GPR39: variants seen among roughly 807,000 people sequenced by gnomAD.
The protein encoded by GPR39 is G protein-coupled receptor 39, also known as zinc sensing receptor.
GPR39 carries 23 observed loss-of-function variants against 18.4 expected under a neutral mutation model. The observed-to-expected ratio is 1.25, with a 90% confidence interval of 0.90 to 1.77. GPR39 has a LOEUF of 1.77. Among genes scored for constraint, GPR39 ranks in the 40% most tolerant of loss-of-function variants. The pLI, the probability that GPR39 is intolerant of heterozygous loss-of-function variation, is 0.00. For synonymous variants in GPR39, 280 were observed against 257.9 expected (o/e 1.09, Z -0.82); for missense variants, 647 against 602.4 (o/e 1.07, Z -0.78).
chr2:132,511,666 T>C (rs1443857693), intron 1 of GPR39, among the ~76,000 whole-genome samples: 3 of 152,148 alleles, frequency 2.0e-5, no homozygotes, highest in Non-Finnish European at 4.4e-5. Context: ...AGTAGCCAGG[T>C]GAGGGTGCAG....
chr2:132,645,087 T>C lies in GPR39; in HGVS notation c.857-14T>C. On this transcript the variant is annotated splice_polypyrimidine_tract_variant and intron_variant, in intron 1 of 1. Transcript: ENST00000329321. ...TCTTTTCTCTGTCTCTCCCTCCTGCTCGTGTCTGCCCAGGGCTGATTGTTG... is the reference window on the plus strand; with the variant it reads ...TCTTTTCTCTGTCTCTCCCTCCTGCCCGTGTCTGCCCAGGGCTGATTGTTG... 6.2e-7 allele frequency: 1 copy of C among 1,600,476 alleles called. No individual in the cohort carries two copies. The highest frequency in any genetic ancestry group is 8.5e-7 in the Non-Finnish European group (1 of 1,171,928).
chr2:132,603,232 T>G (rs1337517892), intron 1 of GPR39, among the ~76,000 whole-genome samples: 2 of 152,198 alleles, frequency 1.3e-5, no homozygotes, highest in Non-Finnish European at 2.9e-5. Context: ...CTCATTCACT[T>G]TAACATGAAT....
intron 1 of GPR39, among the ~76,000 whole-genome samples, chr2:132,615,588 G>T (rs1453133270): frequency 3.3e-5 from 5 of 152,140 alleles, no homozygotes; most frequent in Non-Finnish European, 7.3e-5. Flanking sequence ...TGAGATCAGG[G>T]TCTCTTAAAT....
intron 1 of GPR39, among the ~76,000 whole-genome samples, chr2:132,601,190 G>A (rs1266537440): frequency 6.6e-6 from 1 of 152,090 alleles, no homozygotes; most frequent in Non-Finnish European, 1.5e-5. Flanking sequence ...TATTCTTGAT[G>A]AACATAGAAG....
At position 132,535,232 on chromosome 2, in the gene GPR39, A is replaced by G. The variant is rs142145926; in HGVS notation, c.857-109869A>G. The stretch of plus-strand genomic sequence containing the variant: ...TAAATAGCTCTTATTATTTTGAGAT[A>G]TGTTCCATCAATACCTAGTTTGTTG... On this transcript the variant is annotated intron_variant, in intron 1 of 1. Coordinates refer to ENST00000329321, the MANE Select transcript of GPR39 (RefSeq NM_001508.3). Among the ~76,000 whole-genome samples, 1,088 of 152,268 alleles carry G rather than the reference A, an allele frequency of 7.1e-3. 15 individuals carry two copies. Among genetic ancestry groups the G allele is most frequent in the African/African-American group, 0.026 (1,060 of 41,554 alleles).
intron 1 of GPR39, among the ~76,000 whole-genome samples, chr2:132,588,208 G>A (rs1275298236): frequency 6.6e-6 from 1 of 152,194 alleles, no homozygotes; most frequent in East Asian, 1.9e-4. Context: ...AAGACCTGTA[G>A]CACTGGTCCA....
At chr2:132,437,144 T>C (rs1384120652) in intron 1 of GPR39, among the ~76,000 whole-genome samples, 2 of 152,158 alleles carry the variant, frequency 1.3e-5, no homozygotes, top group Non-Finnish European at 2.9e-5. Flanking sequence ...TAAACTTTGA[T>C]ATAGCAAGAC....
intron 1 of GPR39, among the ~76,000 whole-genome samples, chr2:132,561,640 GATGGAGGCTAA>G (rs570960213): frequency 6.6e-6 from 1 of 151,672 alleles, no homozygotes; most frequent in Non-Finnish European, 1.5e-5. Flanking sequence ...CTTACATGAT[GATGGAGGCTAA>G]ATGCCAAAAT....
intron 1 of GPR39, among the ~76,000 whole-genome samples, chr2:132,427,290 A>C (rs1239306792): frequency 8.1e-5 from 12 of 148,026 alleles, no homozygotes; most frequent in African/African-American, 3.0e-4. Flanking sequence ...TCAGCCCCCG[A>C]GTGGCTGAGA....
intron 1 of GPR39, among the ~76,000 whole-genome samples, chr2:132,585,882 G>C (rs1372608850): frequency 6.6e-6 from 1 of 151,358 alleles, no homozygotes; most frequent in Non-Finnish European, 1.5e-5. Context: ...TTGTTATCGT[G>C]GGGTACCCGA....
intron 1 of GPR39, among the ~76,000 whole-genome samples, chr2:132,630,291 T>G: frequency 6.6e-6 from 1 of 152,182 alleles, no homozygotes; most frequent in East Asian, 1.9e-4. Context: ...TCTCAGACAC[T>G]TCTTCCAGGA....
At chr2:132,608,268 T>C (rs779064646) in intron 1 of GPR39, among the ~76,000 whole-genome samples, 11 of 152,220 alleles carry the variant, frequency 7.2e-5, no homozygotes, top group Non-Finnish European at 1.5e-4. Flanking sequence ...GAAAGCAGTA[T>C]TGGGGCATGT....
chr2:132,525,312 C>T (rs1679488644), intron 1 of GPR39, among the ~76,000 whole-genome samples: 1 of 152,140 alleles, frequency 6.6e-6, no homozygotes, highest in Admixed American at 6.5e-5. Flanking sequence ...TCAATGCCCT[C>T]ATCTGTGAAA....
intron 1 of GPR39, among the ~76,000 whole-genome samples, chr2:132,628,550 G>A (rs533496054): frequency 4.6e-5 from 7 of 152,270 alleles, no homozygotes; most frequent in South Asian, 4.1e-4. Flanking sequence ...GCTTTAGAGC[G>A]ACCTGAAACT....
intron 1 of GPR39, among the ~76,000 whole-genome samples, chr2:132,618,178 A>G (rs574289550): frequency 2.6e-4 from 40 of 152,328 alleles, no homozygotes; most frequent in African/African-American, 9.4e-4. Flanking sequence ...GACATTCCCT[A>G]AGTTAAGTGT....
intron 1 of GPR39, among the ~76,000 whole-genome samples, chr2:132,479,491 G>A (rs1056961096): frequency 6.6e-6 from 1 of 152,176 alleles, no homozygotes; most frequent in African/African-American, 2.4e-5. Context: ...GAGACAGTAC[G>A]AAATAAAATA....
At position 132,417,510 on chromosome 2, in the gene GPR39, T is replaced by C; in HGVS notation, c.468T>C (p.Ile156=). 2 of 1,614,150 alleles carry C rather than the reference T, an allele frequency of 1.2e-6. No homozygotes were observed. Among genetic ancestry groups the C allele is most frequent in the Non-Finnish European group, 1.7e-6 (2 of 1,180,022 alleles). ...VSGPCQVKLL[I]GFVWVTSALV... ...GACCTTGCCAGGTGAAGCTGCTGAT[T>C]GGCTTCGTCTGGGTCACCTCCGCCC... Residue 156 remains isoleucine (I), a synonymous_variant, in exon 1 of 2, where the codon ATT becomes ATC. Coordinates refer to ENST00000329321, the MANE Select transcript of GPR39 (RefSeq NM_001508.3).
chr2:132,465,016 G>A (rs984262316), intron 1 of GPR39, among the ~76,000 whole-genome samples: 2 of 152,208 alleles, frequency 1.3e-5, no homozygotes, highest in African/African-American at 4.8e-5. Flanking sequence ...GTAAGCCAAT[G>A]TTTCAAAATG....
At chr2:132,637,812 T>C (rs1316938442) in intron 1 of GPR39, among the ~76,000 whole-genome samples, 1 of 152,168 alleles carries the variant, frequency 6.6e-6, no homozygotes, top group Non-Finnish European at 1.5e-5. Context: ...GTTGACAAAC[T>C]CAGCAATGGG....
Sources: gnomAD v4.1 joint callset for allele counts (sites outside exome capture counted in the v4.1 genomes callset) on GRCh38, gnomAD v4.1.1 for gene constraint, MANE v1.5 for transcripts, NCBI Gene and HGNC (gene_info 2026-07-23, HGNC 2026-07-21) for gene names.